CAST: variants seen among roughly 807,000 people sequenced by gnomAD.
The protein encoded by CAST is calpastatin.
CAST carries 76 observed loss-of-function variants against 119.6 expected under a neutral mutation model. That is an observed-to-expected ratio of 0.64 (90% CI 0.53 to 0.77). The LOEUF (loss-of-function observed/expected upper bound fraction) is 0.77. Among genes scored for constraint, CAST ranks in the 30% least tolerant of loss-of-function variants. The probability of loss-of-function intolerance (pLI) is 0.00; values close to 1 mark genes in which losing one functional copy is unlikely to be tolerated. For missense variants in CAST, 953 were observed against 946.5 expected (o/e 1.01, Z -0.09); for synonymous variants, 319 against 331.6 (o/e 0.96, Z 0.41).
chr5:96,582,260 T>G (rs1035835002), intron 1 of CAST, among the ~76,000 whole-genome samples: 1 of 152,238 alleles, frequency 6.6e-6, no homozygotes. Flanking sequence ...ATTGAGGTTT[T>G]GGGAGTAGGT....
At chr5:96,344,155 G>T in the CAST span, among the ~76,000 whole-genome samples, 1 of 152,154 alleles carries the variant, frequency 6.6e-6, no homozygotes, top group East Asian at 1.9e-4. Context: ...CTGGCCAAGG[G>T]ACAATATCAA....
chr5:96,189,238 A>G, the CAST span, among the ~76,000 whole-genome samples: 3 of 152,114 alleles, frequency 2.0e-5, no homozygotes, highest in Non-Finnish European at 4.4e-5. Context: ...TTGTTGAAGT[A>G]TGTTTGCAAG....
the CAST span, among the ~76,000 whole-genome samples, chr5:96,376,510 A>G: frequency 2.6e-5 from 4 of 151,494 alleles, no homozygotes. Context: ...GTGCAATCTC[A>G]GCTTACTACA....
chr5:96,328,338 CA>C, the CAST span, among the ~76,000 whole-genome samples: 1 of 149,966 alleles, frequency 6.7e-6, no homozygotes, highest in Non-Finnish European at 1.5e-5. Context: ...GAAGCATTAA[CA>C]ATGAATTTAG....
chr5:96,772,610 T>C (rs192964389), intron 31 of CAST, 30 bp from the exon 32 acceptor site: 1 of 152,870 alleles, frequency 6.5e-6, no homozygotes, highest in East Asian at 1.9e-4. Flanking sequence ...ATTAAATGAT[T>C]CACTGCATTT....
At chr5:96,745,039 A>C (rs920406032) in intron 16 of CAST, among the ~76,000 whole-genome samples, 15 of 152,132 alleles carry the variant, frequency 9.9e-5, no homozygotes, top group African/African-American at 3.1e-4. Flanking sequence ...TCAAAGAGGA[A>C]AATAAAAGCT....
chr5:95,987,916 G>A, the CAST span, among the ~76,000 whole-genome samples: 16 of 152,146 alleles, frequency 1.1e-4, no homozygotes, highest in Admixed American at 5.9e-4. Flanking sequence ...CTACCATATT[G>A]GACAGCAGAG....
intron 24 of CAST, chr5:96,760,814 T>C (rs923116628): frequency 2.0e-5 from 3 of 151,920 alleles, no homozygotes; most frequent in Non-Finnish European, 3.0e-5. Flanking sequence ...TTCAAGTCAT[T>C]TTATGTGTTA....
chr5:96,100,889 A>G, the CAST span, among the ~76,000 whole-genome samples: 2 of 152,172 alleles, frequency 1.3e-5, no homozygotes, highest in African/African-American at 4.8e-5. Flanking sequence ...TACAACATAT[A>G]TGAAATATAA....
At chr5:96,670,025 C>A (rs1749860750) in intron 1 of CAST, among the ~76,000 whole-genome samples, 1 of 152,164 alleles carries the variant, frequency 6.6e-6, no homozygotes, top group African/African-American at 2.4e-5. Flanking sequence ...CACTGCTAAC[C>A]TGAAGTCTTT....
At chr5:96,019,490 T>C in the CAST span, among the ~76,000 whole-genome samples, 1 of 152,190 alleles carries the variant, frequency 6.6e-6, no homozygotes, top group African/African-American at 2.4e-5. Flanking sequence ...GGGTCCTAAT[T>C]CCACTCAACC....
chr5:96,058,613 A>G, the CAST span, among the ~76,000 whole-genome samples: 2 of 143,504 alleles, frequency 1.4e-5, no homozygotes, highest in Admixed American at 6.9e-5. Flanking sequence ...ATAGTGGATA[A>G]TCTTTATTAT....
the CAST span, among the ~76,000 whole-genome samples, chr5:96,052,888 T>C: frequency 6.6e-6 from 1 of 152,130 alleles, no homozygotes; most frequent in African/African-American, 2.4e-5. Flanking sequence ...TCTCTGGTGC[T>C]TTTGTGTGCC....
chr5:96,660,436 T>C (rs79486241), upstream of CAST, among the ~76,000 whole-genome samples: 265 of 152,370 alleles, frequency 1.7e-3, 9 homozygotes, highest in East Asian at 0.045. Flanking sequence ...TTAATCTCTA[T>C]ATCTCTCCTT....
At chr5:96,764,758 G>A (rs564662608) in intron 25 of CAST, among the ~76,000 whole-genome samples, 1 of 152,188 alleles carries the variant, frequency 6.6e-6, no homozygotes, top group Non-Finnish European at 1.5e-5. Flanking sequence ...ACCCTCTATA[G>A]TTGCAGAATC....
At chr5:96,739,936 C>T in intron 11 of CAST, 102 bp from the exon 12 acceptor site, 1 of 651,730 alleles carries the variant, frequency 1.5e-6, no homozygotes, top group African/African-American at 1.9e-5. Flanking sequence ...CTCAGTACTT[C>T]CATAAATTAA....
At chr5:96,234,895 G>T in the CAST span, among the ~76,000 whole-genome samples, 1 of 152,074 alleles carries the variant, frequency 6.6e-6, no homozygotes, top group African/African-American at 2.4e-5. Context: ...TATGTAGAAA[G>T]TATGCATTTT....
the CAST span, among the ~76,000 whole-genome samples, chr5:96,507,474 T>C: frequency 6.6e-6 from 1 of 152,166 alleles, no homozygotes; most frequent in Non-Finnish European, 1.5e-5. Flanking sequence ...CTTTTATAAA[T>C]GGGAATGAAC....
the CAST span, chr5:96,421,865 T>A: frequency 7.5e-7 from 1 of 1,328,128 alleles, no homozygotes; most frequent in African/African-American, 1.4e-5. Flanking sequence ...TTCACACAAA[T>A]GCATATTTAC....
Sources: allele counts gnomAD v4.1 joint callset (sites outside exome capture counted in the v4.1 genomes callset), GRCh38; gene constraint gnomAD v4.1.1; transcripts MANE v1.5; gene names NCBI Gene and HGNC (gene_info 2026-07-23, HGNC 2026-07-21).